Variants in ANGPTL5 observed in about 807,000 individuals in gnomAD.
The protein encoded by ANGPTL5 is angiopoietin like 5, also known as angiopoietin-related protein 5.
ANGPTL5 carries 34 observed loss-of-function variants against 39.4 expected under a neutral mutation model. The observed-to-expected ratio is 0.86, with a 90% CI of 0.66 to 1.15. The LOEUF (loss-of-function observed/expected upper bound fraction) is 1.15. ANGPTL5 is among the 50% of genes most tolerant of loss of function. The pLI, the probability that ANGPTL5 is intolerant of heterozygous loss-of-function variation, is 0.00. For synonymous variants in ANGPTL5, 146 were observed against 152.1 expected, an observed-to-expected ratio of 0.96 and a Z score of 0.29; for missense variants, 467 against 457.5, an observed-to-expected ratio of 1.02 and a Z score of -0.19.
intron 1 of ANGPTL5, among the ~76,000 whole-genome samples, chr11:101,913,928 G>A (rs1486906847): frequency 6.6e-6 from 1 of 152,228 alleles, no homozygotes; most frequent in African/African-American, 2.4e-5. Context: ...TTTCATGTCA[G>A]AATTGTATAT....
intron 7 of ANGPTL5, among the ~76,000 whole-genome samples, chr11:101,897,262 G>T (rs1939815607): frequency 6.6e-6 from 1 of 152,078 alleles, no homozygotes; most frequent in Non-Finnish European, 1.5e-5. Context: ...TTAGCCCTTT[G>T]CCAGAAGGAT....
intron 4 of ANGPTL5, 85 bp downstream of exon 4, chr11:101,905,659 T>C (rs1447967156): frequency 1.1e-6 from 1 of 914,274 alleles, no homozygotes. Context: ...TGAACATGAA[T>C]GCATTTTAAA....
At chr11:101,900,756 C>T (rs2137056496) in intron 6 of ANGPTL5, among the ~76,000 whole-genome samples, 1 of 152,178 alleles carries the variant, frequency 6.6e-6, no homozygotes, top group African/African-American at 2.4e-5. Flanking sequence ...CTGTAATTAA[C>T]CTAAATAATA....
At chr11:101,913,969 G>A (rs1940138208) in intron 1 of ANGPTL5, among the ~76,000 whole-genome samples, 1 of 152,210 alleles carries the variant, frequency 6.6e-6, no homozygotes, top group Admixed American at 6.5e-5. Context: ...CTGAAGGAGA[G>A]TTCATGTGTT....
chr11:101,904,722 T>C, intron 5 of ANGPTL5, 92 bp downstream of exon 5: 1 of 1,188,636 alleles, frequency 8.4e-7, no homozygotes, highest in African/African-American at 1.5e-5. Flanking sequence ...GCTGTAGTTT[T>C]TAAATAAAAC....
chr11:101,904,777 GA>G (rs1276318545), intron 5 of ANGPTL5, 36 bp downstream of exon 5: 2 of 1,556,094 alleles, frequency 1.3e-6, no homozygotes, highest in South Asian at 2.2e-5. Context: ...AGCAATAAAA[GA>G]CAAACATGAA....
intron 4 of ANGPTL5, among the ~76,000 whole-genome samples, chr11:101,905,234 A>G (rs868136403): frequency 3.9e-5 from 6 of 152,126 alleles, no homozygotes; most frequent in Non-Finnish European, 8.8e-5. Context: ...CAAGTTAATC[A>G]GATTGTGGCA....
At chr11:101,899,333 C>T (rs1939853962) in intron 7 of ANGPTL5, among the ~76,000 whole-genome samples, 1 of 152,212 alleles carries the variant, frequency 6.6e-6, no homozygotes, top group Non-Finnish European at 1.5e-5. Context: ...CTCCTGGCCT[C>T]AAGCAATCCA....
At chr11:101,915,335 T>A in intron 1 of ANGPTL5, 1 of 1,613,970 alleles carries the variant, frequency 6.2e-7, no homozygotes. Context: ...AACTGGGCAC[T>A]GAATCATCGG....
chr11:101,902,724 A>G lies in ANGPTL5; in HGVS notation c.440-3T>C, dbSNP rs145841845. The G allele has an allele frequency of 6.4e-7, 1 of 1,567,578 alleles. No homozygotes were observed. The highest frequency in any genetic ancestry group is 1.1e-5 in the South Asian group (1 of 89,124). Reference sequence around the variant, plus strand: ...CTTAATATCAGTGCAATCTAAACCTAGAAAAGCAAAATTATTTAATTGGGA... The same window carrying G: ...CTTAATATCAGTGCAATCTAAACCTGGAAAAGCAAAATTATTTAATTGGGA... On this transcript the variant is annotated splice_region_variant and splice_polypyrimidine_tract_variant and intron_variant, in intron 5 of 8. Transcript: ENST00000334289.
At chr11:101,906,601 C>G (rs561662483) in intron 3 of ANGPTL5, among the ~76,000 whole-genome samples, 1 of 152,206 alleles carries the variant, frequency 6.6e-6, no homozygotes, top group South Asian at 2.1e-4. Context: ...ATTTCTCAGA[C>G]CCTATGTGAG....
intron 7 of ANGPTL5, among the ~76,000 whole-genome samples, chr11:101,898,014 A>G (rs1270611292): frequency 6.6e-6 from 1 of 152,156 alleles, no homozygotes; most frequent in Non-Finnish European, 1.5e-5. Flanking sequence ...ACCTGAGGTC[A>G]GAAGTTCAAG....
chr11:101,908,110 A>AT, intron 1 of ANGPTL5, 109 bp from the exon 2 acceptor site: 2 of 485,106 alleles, frequency 4.1e-6, no homozygotes. Context: ...AGATCCTGAC[A>AT]TTTTAAATTG....
intron 7 of ANGPTL5, among the ~76,000 whole-genome samples, chr11:101,896,769 G>A (rs902401867): frequency 6.6e-6 from 1 of 152,146 alleles, no homozygotes; most frequent in Non-Finnish European, 1.5e-5. Flanking sequence ...TGGGCATTTG[G>A]GTTGGTGCCA....
chr11:101,908,500 T>C (rs1940035977), intron 1 of ANGPTL5, among the ~76,000 whole-genome samples: 1 of 152,118 alleles, frequency 6.6e-6, no homozygotes, highest in South Asian at 2.1e-4. Context: ...ATCTCAACGC[T>C]GGGCGCAGTG....
At chr11:101,907,692 CAT>C in intron 2 of ANGPTL5, 120 bp downstream of exon 2, 3 of 699,826 alleles carry the variant, frequency 4.3e-6, no homozygotes, top group South Asian at 1.9e-5. Context: ...TTTCTAAATA[CAT>C]GTTTTAATTG....
At chr11:101,909,864 A>G (rs1227489958) in intron 1 of ANGPTL5, among the ~76,000 whole-genome samples, 2 of 152,208 alleles carry the variant, frequency 1.3e-5, no homozygotes, top group African/African-American at 4.8e-5. Flanking sequence ...ACTTAGGAGT[A>G]TATTTTTTGT....
At chr11:101,900,398 A>G (rs1939871585) in intron 7 of ANGPTL5, 32 bp downstream of exon 7, 1 of 1,602,848 alleles carries the variant, frequency 6.2e-7, no homozygotes, top group South Asian at 1.1e-5. Flanking sequence ...AAAAGAGTAA[A>G]CAATGTAGAG....
intron 3 of ANGPTL5, among the ~76,000 whole-genome samples, chr11:101,906,733 A>C (rs962303717): frequency 2.6e-5 from 4 of 152,084 alleles, no homozygotes; most frequent in African/African-American, 9.7e-5. Context: ...AATCACATTA[A>C]AAAATCTTGA....
Sources: allele counts gnomAD v4.1 joint callset (sites outside exome capture counted in the v4.1 genomes callset), GRCh38; gene constraint gnomAD v4.1.1; transcripts MANE v1.5; gene names NCBI Gene and HGNC (gene_info 2026-07-23, HGNC 2026-07-21).